Variants in BCL2 observed in about 807,000 individuals in gnomAD.
BCL2 encodes the protein apoptosis regulator Bcl-2.
In BCL2, 1 loss-of-function variant was observed where a neutral mutation model predicts 14.2. The ratio of observed to expected loss-of-function variants is 0.07; its 90% CI spans 0.02 to 0.33. BCL2 has a LOEUF of 0.33. Ranked by LOEUF, BCL2 falls within the 10% of genes least tolerant of loss-of-function variation. The pLI is 0.99. For synonymous variants in BCL2, 151 were observed against 137.2 expected (o/e 1.10, Z -0.70); for missense variants, 247 against 305.9 (o/e 0.81, Z 1.44).
At chr18:63,181,983 C>A (rs4941187) in intron 2 of BCL2, among the ~76,000 whole-genome samples, 2 of 151,956 alleles carry the variant, frequency 1.3e-5, no homozygotes, top group African/African-American at 4.8e-5. Context: ...CTGGGGGGCA[C>A]CTCCTTACTT....
intron 2 of BCL2, among the ~76,000 whole-genome samples, chr18:63,151,896 C>A (rs984511417): frequency 6.6e-6 from 1 of 152,182 alleles, no homozygotes; most frequent in Non-Finnish European, 1.5e-5. Flanking sequence ...AGCTAGAAAA[C>A]AGAGAGTTAA....
intron 2 of BCL2, among the ~76,000 whole-genome samples, chr18:63,236,042 T>C (rs1910821021): frequency 6.6e-6 from 1 of 152,130 alleles, no homozygotes. Context: ...GGGAGGCAAC[T>C]GAATCATGGA....
chr18:63,237,158 C>G (rs912835489), intron 2 of BCL2, among the ~76,000 whole-genome samples: 2 of 152,142 alleles, frequency 1.3e-5, no homozygotes, highest in Non-Finnish European at 2.9e-5. Context: ...GACCCCTCTC[C>G]CAGCCCGGGG....
chr18:63,132,563 C>G (rs759548854), intron 2 of BCL2, among the ~76,000 whole-genome samples: 1 of 152,170 alleles, frequency 6.6e-6, no homozygotes, highest in Non-Finnish European at 1.5e-5. Flanking sequence ...CTTCTTTACA[C>G]ATTATTAGAG....
chr18:63,302,838 C>T (rs1207688004), intron 2 of BCL2: 16 of 985,220 alleles, frequency 1.6e-5, no homozygotes, highest in Non-Finnish European at 1.9e-5. Flanking sequence ...GCAAATAACA[C>T]AAGGGCATCC....
At chr18:63,271,600 C>T (rs1390614214) in intron 2 of BCL2, among the ~76,000 whole-genome samples, 1 of 152,222 alleles carries the variant, frequency 6.6e-6, no homozygotes, top group African/African-American at 2.4e-5. Context: ...TCAGCCCCCA[C>T]AAGGCCAATA....
rs137992605 is a variant in BCL2, at chr18:63,198,159, GAC to G, written c.586-69402_586-69401del. Among the ~76,000 whole-genome samples, 8 of 151,106 alleles carry G rather than the reference GAC, an allele frequency of 5.3e-5. No individual in the cohort carries two copies. In the East Asian group the frequency reaches 1.2e-3, roughly 22 times the overall value. ...GCCCCTGTATACGCAAAGATGTAGAGACACACACACACAGACATACACACACA... is the reference window on the plus strand; with the variant it reads ...GCCCCTGTATACGCAAAGATGTAGAGACACACACACAGACATACACACACA... On this transcript the variant is annotated intron_variant, in intron 2 of 2. Coordinates refer to ENST00000333681, the MANE Select transcript of BCL2 (RefSeq NM_000633.3).
chr18:63,241,399 T>G (rs535409798), intron 2 of BCL2, among the ~76,000 whole-genome samples: 50 of 152,350 alleles, frequency 3.3e-4, no homozygotes, highest in African/African-American at 1.1e-3. Context: ...TTTTGTATAT[T>G]GTATTCCTTT....
chr18:63,255,126 T>C (rs1310982017), intron 2 of BCL2, among the ~76,000 whole-genome samples: 1 of 152,204 alleles, frequency 6.6e-6, no homozygotes, highest in Non-Finnish European at 1.5e-5. Flanking sequence ...ATGACCTCCA[T>C]TTTACTGATG....
rs1226344113 is a variant in BCL2 at position 63,123,578 on chromosome 18, G to A, written c.*5047C>T. 1.4e-5 allele frequency: 3 copies of A among 209,416 alleles called. No individual in the cohort carries two copies. Among genetic ancestry groups the A allele is most frequent in the African/African-American group, 4.6e-5 (2 of 43,912 alleles). The allele number at this position is 209,416 out of a possible 1,614,324, so 13.0% of individuals were successfully genotyped here. A position where few individuals can be genotyped will look rare whatever the true frequency, so the allele number is the denominator to read the frequency against. On this transcript the variant is annotated 3_prime_UTR_variant, in exon 3 of 3. Coordinates refer to ENST00000333681, the MANE Select transcript of BCL2 (RefSeq NM_000633.3). ...CTTAAAAGTATCAATCTTAAAAAGA[G>A]CCATGGAAGGTAAAAGTATGAAAAT...
chr18:63,258,448 G>T (rs907260541), intron 2 of BCL2, among the ~76,000 whole-genome samples: 23 of 152,180 alleles, frequency 1.5e-4, no homozygotes, highest in African/African-American at 5.1e-4. Context: ...CAGGACCCAG[G>T]CAGGGCTGTT....
chr18:63,310,470 G>C (rs1213862129), intron 2 of BCL2, among the ~76,000 whole-genome samples: 2 of 152,180 alleles, frequency 1.3e-5, no homozygotes, highest in Non-Finnish European at 2.9e-5. Context: ...AAACTCTTCA[G>C]ATACCACTGT....
Position 63,318,227 on chromosome 18 carries a change from A to G in BCL2, c.440T>C (p.Ile147Thr). ...CCCACCGAACTCAAAGAAGGCCACA[A>G]TCCTCCCCCAGTTCACCCCGTCCCT... ...LFRDGVNWGR[I>T]VAFFEFGGVM... The change falls in exon 2 of 3, where the codon ATT (isoleucine) becomes ACT (threonine). Residue 147 changes from isoleucine (I) to threonine (T), a missense_variant. Around this residue, in one of 3 missense-constraint regions of BCL2, gnomAD observed 67 missense variants for 145.7 expected, o/e 0.46. Transcript: ENST00000333681. This position sits in a 1 kb window ranked among gnomAD's most constrained non-coding sequence, Gnocchi z 7.4. 6.2e-7 allele frequency: 1 copy of G among 1,614,118 alleles called. No homozygotes were observed. The highest frequency in any genetic ancestry group is 8.5e-7 in the Non-Finnish European group (1 of 1,180,010).
At chr18:63,253,589 A>C (rs1599271244) in intron 2 of BCL2, among the ~76,000 whole-genome samples, 1 of 152,330 alleles carries the variant, frequency 6.6e-6, no homozygotes, top group East Asian at 1.9e-4. Context: ...CGTTTACAGT[A>C]TAAATTTGGG....
intron 2 of BCL2, among the ~76,000 whole-genome samples, chr18:63,136,500 C>G (rs1914209306): frequency 6.6e-6 from 1 of 152,200 alleles, no homozygotes; most frequent in South Asian, 2.1e-4. Flanking sequence ...CCCTTAGAAA[C>G]AGACCCTAAG....
chr18:63,308,240 A>T (rs1304169876), intron 2 of BCL2, among the ~76,000 whole-genome samples: 5 of 152,162 alleles, frequency 3.3e-5, no homozygotes, highest in Admixed American at 3.3e-4. Context: ...ACTGACTTCC[A>T]CCTTCAATTG....
intron 2 of BCL2, among the ~76,000 whole-genome samples, chr18:63,272,964 C>G (rs1010180060): frequency 6.7e-6 from 1 of 148,750 alleles, no homozygotes; most frequent in Admixed American, 6.7e-5. Flanking sequence ...GTAGTCCATT[C>G]ACATTATAGC....
chr18:63,246,485 T>G (rs1215027993), intron 2 of BCL2, among the ~76,000 whole-genome samples: 1 of 152,140 alleles, frequency 6.6e-6, no homozygotes, highest in Non-Finnish European at 1.5e-5. Context: ...ATAACAGAAC[T>G]TGTGCAGGCA....
chr18:63,210,967 C>T (rs1909981902), intron 2 of BCL2, among the ~76,000 whole-genome samples: 1 of 151,992 alleles, frequency 6.6e-6, no homozygotes, highest in Non-Finnish European at 1.5e-5. Context: ...TAGCAAGTCT[C>T]ACGCTCAAAT....
Sources: allele counts gnomAD v4.1 joint callset (sites outside exome capture counted in the v4.1 genomes callset), GRCh38; gene constraint gnomAD v4.1.1; regional missense constraint gnomAD v4.1.1; non-coding constraint Gnocchi (gnomAD v3.1); transcripts MANE v1.5; gene names NCBI Gene and HGNC (gene_info 2026-07-23, HGNC 2026-07-21).